Variants in FGD5 observed in about 807,000 individuals in gnomAD.
The protein encoded by FGD5 is FYVE, RhoGEF and PH domain-containing protein 5.
In FGD5, 28 loss-of-function variants were observed where a neutral mutation model predicts 133.4. The ratio of observed to expected loss-of-function variants is 0.21; its 90% confidence interval spans 0.16 to 0.29. FGD5 has a LOEUF of 0.29. FGD5 is among the 10% of genes least tolerant of loss of function. FGD5 has a pLI of 1.00. For missense variants in FGD5, 1,858 were observed against 1,895.2 expected (o/e 0.98, Z 0.36); for synonymous variants, 810 against 776.5 (o/e 1.04, Z -0.72).
intron 1 of FGD5, among the ~76,000 whole-genome samples, chr3:14,850,870 G>A (rs545753845): frequency 1.3e-5 from 2 of 152,228 alleles, no homozygotes; most frequent in South Asian, 4.2e-4. Context: ...CTTGGAAGGG[G>A]GATAGATGGG....
At chr3:14,916,995 C>A (rs570530233) in intron 11 of FGD5, among the ~76,000 whole-genome samples, 1 of 152,314 alleles carries the variant, frequency 6.6e-6, no homozygotes, top group African/African-American at 2.4e-5. Context: ...CTGGCTGTTA[C>A]AAATAAAGCC....
intron 4 of FGD5, among the ~76,000 whole-genome samples, chr3:14,891,886 C>T (rs1330483078): frequency 6.6e-6 from 1 of 151,912 alleles, no homozygotes; most frequent in Non-Finnish European, 1.5e-5. Context: ...TTCCTCCTTC[C>T]CTCCTTCTCT....
At chr3:14,815,452 A>G (rs2036354225), upstream of FGD5, among the ~76,000 whole-genome samples, 1 of 151,456 alleles carries the variant, frequency 6.6e-6, no homozygotes, top group Non-Finnish European at 1.5e-5. Flanking sequence ...ATCTCCCACC[A>G]CCTCTCAATA....
At chr3:14,875,991 G>A (rs1250178536) in intron 2 of FGD5, among the ~76,000 whole-genome samples, 1 of 152,144 alleles carries the variant, frequency 6.6e-6, no homozygotes, top group Admixed American at 6.5e-5. Context: ...AAAGAAAGAG[G>A]TGGCTGTTAA....
intron 1 of FGD5, among the ~76,000 whole-genome samples, chr3:14,857,615 T>C (rs2037309640): frequency 6.6e-6 from 1 of 152,292 alleles, no homozygotes; most frequent in African/African-American, 2.4e-5. Context: ...AGATATGAAG[T>C]TGCCTATAAG....
chr3:14,820,425 G>A lies in FGD5; in HGVS notation c.1354G>A (p.Ala452Thr), dbSNP rs779159878. 6.1e-5 allele frequency: 98 copies of A among 1,613,876 alleles called. No homozygotes were observed. Among genetic ancestry groups the A allele is most frequent in the East Asian group, 8.9e-5 (4 of 44,884 alleles). ...PGEGGQAASD[A>T]LGGYGSKEEL... ...AGAAGGAGGGCAGGCTGCATCGGAC[G>A]CCCTGGGTGGTTATGGCTCGAAAGA... Residue 452 changes from alanine (A) to threonine (T), a missense_variant, in exon 1 of 20, where the codon GCC becomes ACC. This residue lies in a region of FGD5 where 1,824 missense variants were observed against 1,848.9 expected (regional missense o/e 0.99). Transcript: ENST00000285046.
chr3:14,869,248 C>A (rs1283355971), intron 2 of FGD5, among the ~76,000 whole-genome samples: 1 of 152,000 alleles, frequency 6.6e-6, no homozygotes, highest in Non-Finnish European at 1.5e-5. Context: ...GAGCCAAGAT[C>A]GAGCCACTGC....
chr3:14,883,964 A>T (rs2037877044), intron 4 of FGD5, among the ~76,000 whole-genome samples: 2 of 152,226 alleles, frequency 1.3e-5, no homozygotes, highest in African/African-American at 4.8e-5. Context: ...AAATGCTCAC[A>T]GGCTCATGGT....
chr3:14,917,132 G>T lies in FGD5; in HGVS notation c.3406-117G>T, dbSNP rs988334179. The T allele has an allele frequency of 3.6e-6, 3 of 838,550 alleles. No homozygotes were observed. In the African/African-American group the frequency reaches 5.2e-5, roughly 15 times the overall value. The allele number at this position is 838,550 out of a possible 1,614,324, so 51.9% of individuals were successfully genotyped here. A position where few individuals can be genotyped will look rare whatever the true frequency, so the allele number is the denominator to read the frequency against. ...CGCAACGTTTTTGCTCACCTGTGGG[G>T]GTTACTGAGGAATACAAGATGCCTG... is the stretch of plus-strand genomic sequence containing the variant. On this transcript the variant is annotated intron_variant, in intron 11 of 19. Coordinates refer to ENST00000285046, the MANE Select transcript of FGD5 (RefSeq NM_152536.4). The surrounding 1 kb of genome is among the most constrained non-coding windows in gnomAD (Gnocchi z 4.1).
chr3:14,863,683 A>G (rs294626), intron 1 of FGD5, among the ~76,000 whole-genome samples: 2,579 of 152,306 alleles, frequency 0.017, 33 homozygotes, highest in Middle Eastern at 0.034. Flanking sequence ...GCCGATGGCA[A>G]GGCCGGGACT....
chr3:14,819,396 T>C lies in FGD5; in HGVS notation c.325T>C (p.Cys109Arg), dbSNP rs2036435299. The C allele has an allele frequency of 1.3e-6, 2 of 1,549,504 alleles. No homozygotes were observed. The highest frequency in any genetic ancestry group is 2.4e-5 in the South Asian group (2 of 83,816). Residue 109 changes from cysteine (C) to arginine (R), a missense_variant, in exon 1 of 20, where the codon TGT becomes CGT. This residue lies in a region of FGD5 where 1,824 missense variants were observed against 1,848.9 expected (regional missense o/e 0.99). Coordinates refer to ENST00000285046, the MANE Select transcript of FGD5 (RefSeq NM_152536.4). This position sits in a 1 kb window ranked among gnomAD's most constrained non-coding sequence, Gnocchi z 4.1. ...GGAGCGTGAAGAGGGAGGCGAGGCA[T>C]GTGGCCTGGAGGGTACAGGAGCTGG... is the stretch of plus-strand genomic sequence containing the variant. ...EEEREEGGEACGLEGTGAGED... is the reference protein window; with the variant it reads ...EEEREEGGEARGLEGTGAGED...
chr3:14,830,783 G>A (rs17040339), intron 1 of FGD5, among the ~76,000 whole-genome samples: 2,267 of 152,300 alleles, frequency 0.015, 64 homozygotes, highest in African/African-American at 0.051. Flanking sequence ...CCAAAGAGGA[G>A]AGTTGTGTTG....
chr3:14,914,678 C>T (rs1426442057), intron 11 of FGD5, among the ~76,000 whole-genome samples: 5 of 152,114 alleles, frequency 3.3e-5, no homozygotes, highest in Non-Finnish European at 7.4e-5. Flanking sequence ...CCTGACATTC[C>T]CTCCCGAGCA....
At chr3:14,885,075 AC>A (rs2037898957) in intron 4 of FGD5, among the ~76,000 whole-genome samples, 1 of 151,050 alleles carries the variant, frequency 6.6e-6, no homozygotes, top group South Asian at 2.1e-4. Context: ...GCCCTTGTCC[AC>A]TAGAGGCAAG....
intron 16 of FGD5, among the ~76,000 whole-genome samples, chr3:14,923,675 A>T (rs1277454286): frequency 6.6e-6 from 1 of 152,092 alleles, no homozygotes; most frequent in Non-Finnish European, 1.5e-5. Flanking sequence ...CAGGAAGGAG[A>T]GCAGGTGTAT....
chr3:14,869,709 G>A (rs553548401), intron 2 of FGD5, among the ~76,000 whole-genome samples: 1 of 152,310 alleles, frequency 6.6e-6, no homozygotes, highest in East Asian at 1.9e-4. Context: ...TCTTTTGTGA[G>A]TGGCTTATAG....
In FGD5 at chr3:14,820,073, C is replaced by A; in HGVS notation, c.1002C>A (p.Cys334Ter). The change falls in exon 1 of 20, where the codon TGC becomes TGA. Residue 334 changes from cysteine to a stop codon, truncating the protein, a stop_gained. Coordinates refer to ENST00000285046, the MANE Select transcript of FGD5 (RefSeq NM_152536.4). LOFTEE classifies it high-confidence loss of function. ...SCQIVPFEND[C>*]MEDFVTSLTG... Reference sequence around the variant, plus strand: ...AGATTGTCCCTTTTGAGAATGACTGCATGGAGGACTTCGTGACTTCCCTCA... The same window carrying A: ...AGATTGTCCCTTTTGAGAATGACTGAATGGAGGACTTCGTGACTTCCCTCA... The A allele has an allele frequency of 6.2e-7, 1 of 1,614,060 alleles. No homozygotes were observed.
chr3:14,820,153 G>A lies in FGD5; in HGVS notation c.1082G>A (p.Ser361Asn). The A allele has an allele frequency of 6.2e-7, 1 of 1,614,016 alleles. No individual in the cohort carries two copies. The highest frequency in any genetic ancestry group is 8.5e-7 in the Non-Finnish European group (1 of 1,179,870). Residue 361 changes from serine to asparagine, a missense_variant, in exon 1 of 20, where the codon AGC (serine) becomes AAC (asparagine). Physicochemically the swap from Ser to Asn is conservative, Grantham distance 46. This residue lies in a region of FGD5 where 1,824 missense variants were observed against 1,848.9 expected (regional missense o/e 0.99). Coordinates refer to ENST00000285046, the MANE Select transcript of FGD5 (RefSeq NM_152536.4). ...PTESTSFCSESCSPLSESAKG... is the reference protein window; with the variant it reads ...PTESTSFCSENCSPLSESAKG... ...GAGAGCACCTCTTTTTGCAGCGAGA[G>A]CTGTTCTCCTCTTTCTGAATCAGCG...
Position 14,820,924 on chromosome 3 carries a change from C to T in FGD5, c.1853C>T (p.Pro618Leu), listed in dbSNP as rs1241448439. The T allele has an allele frequency of 6.2e-7, 1 of 1,613,910 alleles. No individual in the cohort carries two copies. Among genetic ancestry groups the T allele is most frequent in the South Asian group, 1.1e-5 (1 of 91,074 alleles). ...TCTTCCATGGTCGACATCCCACCTC[C>T]TTTCGACCTGGCCTGCATCACCAAG... is the stretch of plus-strand genomic sequence containing the variant. ...TPSSMVDIPP[P>L]FDLACITKKP... The change falls in exon 1 of 20, where the codon CCT becomes CTT. Residue 618 changes from proline (P) to leucine (L), a missense_variant. Pro to Leu is a moderately conservative substitution (Grantham distance 98, BLOSUM62 -3). Around this residue, in one of 3 missense-constraint regions of FGD5, gnomAD observed 1,824 missense variants for 1,848.9 expected, o/e 0.99. Coordinates refer to ENST00000285046, the MANE Select transcript of FGD5 (RefSeq NM_152536.4).
Sources: allele counts gnomAD v4.1 joint callset (sites outside exome capture counted in the v4.1 genomes callset), GRCh38; gene constraint gnomAD v4.1.1; regional missense constraint gnomAD v4.1.1; non-coding constraint Gnocchi (gnomAD v3.1); transcripts MANE v1.5; gene names NCBI Gene and HGNC (gene_info 2026-07-23, HGNC 2026-07-21).